RBMS3: variants seen among roughly 807,000 people sequenced by gnomAD.
RBMS3 encodes RNA binding motif single stranded interacting protein 3, also known as RNA-binding motif, single-stranded-interacting protein 3.
Under a neutral mutation model 66.8 loss-of-function variants are expected in RBMS3, and 27 were observed. The ratio of observed to expected loss-of-function variants is 0.40; its 90% CI spans 0.30 to 0.56. The LOEUF (loss-of-function observed/expected upper bound fraction) is 0.56, where lower values mean the gene tolerates loss of function less well. RBMS3 is among the 20% of genes least tolerant of loss of function. The pLI, the probability that RBMS3 is intolerant of heterozygous loss-of-function variation, is 0.40. For missense variants in RBMS3, 513 were observed against 549.5 expected (o/e 0.93, Z 0.66); for synonymous variants, 188 against 183.0 (o/e 1.03, Z -0.22).
intron 14 of RBMS3, among the ~76,000 whole-genome samples, chr3:29,996,013 C>G (rs1029832409): frequency 4.6e-5 from 7 of 152,128 alleles, no homozygotes; most frequent in Admixed American, 2.6e-4. Context: ...GTGCTGTATT[C>G]AGGAAACCCA....
chr3:29,714,795 C>T (rs1164399318), intron 4 of RBMS3, among the ~76,000 whole-genome samples: 1 of 151,730 alleles, frequency 6.6e-6, no homozygotes, highest in Non-Finnish European at 1.5e-5. Context: ...CAAACAATAG[C>T]TCTGAAAAGA....
intron 1 of RBMS3, among the ~76,000 whole-genome samples, chr3:29,423,823 G>T (rs1470630310): frequency 6.6e-6 from 1 of 152,110 alleles, no homozygotes; most frequent in Non-Finnish European, 1.5e-5. Flanking sequence ...CTGTCAGATT[G>T]GACTGTACAT....
At chr3:29,303,432 T>C (rs2033807204) in intron 1 of RBMS3, among the ~76,000 whole-genome samples, 2 of 152,054 alleles carry the variant, frequency 1.3e-5, no homozygotes, top group African/African-American at 2.4e-5. Context: ...GAGAATCCAT[T>C]CAACCTTAAC....
At chr3:29,582,195 T>TACAC (rs952792993) in intron 3 of RBMS3, among the ~76,000 whole-genome samples, 1 of 150,522 alleles carries the variant, frequency 6.6e-6, no homozygotes, top group African/African-American at 2.4e-5. Flanking sequence ...GATAGATAGA[T>TACAC]ACACACACAC....
chr3:29,690,266 A>C (rs1404483821), intron 4 of RBMS3, among the ~76,000 whole-genome samples: 1 of 151,726 alleles, frequency 6.6e-6, no homozygotes, highest in Non-Finnish European at 1.5e-5. Flanking sequence ...CCTGGGCAAC[A>C]TGGTGAGATC....
At chr3:29,677,894 C>T (rs1422677277) in intron 4 of RBMS3, among the ~76,000 whole-genome samples, 1 of 152,182 alleles carries the variant, frequency 6.6e-6, no homozygotes, top group African/African-American at 2.4e-5. Flanking sequence ...GATTCTGTCA[C>T]ATACCAGCTC....
At chr3:29,911,248 G>T (rs2060506078) in intron 10 of RBMS3, among the ~76,000 whole-genome samples, 1 of 152,050 alleles carries the variant, frequency 6.6e-6, no homozygotes, top group South Asian at 2.1e-4. Flanking sequence ...TAGATTGTAG[G>T]CAGGGTTTTG....
chr3:29,568,213 A>G (rs144409425), intron 3 of RBMS3, among the ~76,000 whole-genome samples: 2 of 152,326 alleles, frequency 1.3e-5, no homozygotes, highest in East Asian at 1.9e-4. Context: ...TAGTAACTAA[A>G]CAGAATTAAA....
chr3:29,891,899 C>T (rs1462522298), intron 8 of RBMS3, among the ~76,000 whole-genome samples: 2 of 151,238 alleles, frequency 1.3e-5, no homozygotes, highest in Non-Finnish European at 3.0e-5. Flanking sequence ...TTTATGGTTC[C>T]AGCCCTAACA....
chr3:29,324,821 A>G (rs2035224892), intron 1 of RBMS3, among the ~76,000 whole-genome samples: 2 of 150,990 alleles, frequency 1.3e-5, no homozygotes, highest in South Asian at 2.1e-4. Flanking sequence ...CTGCCTGCCT[A>G]TCTGCCTTTT....
chr3:29,665,607 C>A (rs2050720298), intron 4 of RBMS3, among the ~76,000 whole-genome samples: 2 of 152,108 alleles, frequency 1.3e-5, no homozygotes, highest in African/African-American at 4.8e-5. Flanking sequence ...TAAACAATTG[C>A]TCTAAGTAAG....
At chr3:29,816,646 A>T (rs2057912833) in intron 6 of RBMS3, among the ~76,000 whole-genome samples, 1 of 152,148 alleles carries the variant, frequency 6.6e-6, no homozygotes, top group African/African-American at 2.4e-5. Flanking sequence ...ATATATTATT[A>T]TCGAGGCTTA....
chr3:29,844,408 A>G (rs2058731490), intron 6 of RBMS3, among the ~76,000 whole-genome samples: 1 of 152,218 alleles, frequency 6.6e-6, no homozygotes, highest in African/African-American at 2.4e-5. Context: ...AGAGTACGGT[A>G]TTTAAGGTTT....
At chr3:29,474,220 A>G (rs62236910) in intron 2 of RBMS3, among the ~76,000 whole-genome samples, 35,861 of 152,224 alleles carry the variant, frequency 0.24, 4,372 homozygotes, top group Admixed American at 0.3. Context: ...TTTGCTCCGC[A>G]TTGTTTGAGG....
intron 3 of RBMS3, among the ~76,000 whole-genome samples, chr3:29,582,088 A>G (rs2047347212): frequency 6.6e-6 from 1 of 152,180 alleles, no homozygotes; most frequent in South Asian, 2.1e-4. Context: ...GTTGCCAGCA[A>G]ATGCACTAAA....
At chr3:29,763,280 T>G (rs1304482149) in intron 6 of RBMS3, among the ~76,000 whole-genome samples, 2 of 152,052 alleles carry the variant, frequency 1.3e-5, no homozygotes, top group African/African-American at 4.8e-5. Context: ...ATTTTATGAC[T>G]CAGCATTAAT....
At chr3:29,981,474 G>A (rs1427395891) in intron 12 of RBMS3, among the ~76,000 whole-genome samples, 1 of 152,144 alleles carries the variant, frequency 6.6e-6, no homozygotes, top group African/African-American at 2.4e-5. Flanking sequence ...ATGTTGAATA[G>A]GAGTGGTGAG....
chr3:29,454,264 C>T (rs1344776032), intron 2 of RBMS3, among the ~76,000 whole-genome samples: 2 of 152,122 alleles, frequency 1.3e-5, no homozygotes, highest in African/African-American at 4.8e-5. Context: ...AGGAGTTGGG[C>T]ACAGCATATT....
intron 14 of RBMS3, among the ~76,000 whole-genome samples, chr3:29,997,009 ATAGACCGC>A (rs1171951092): frequency 6.6e-6 from 1 of 152,016 alleles, no homozygotes; most frequent in African/African-American, 2.4e-5. Context: ...AAAAAAATTG[ATAGACCGC>A]TAGCAAGACT....
Sources: gnomAD v4.1 joint callset for allele counts (sites outside exome capture counted in the v4.1 genomes callset) on GRCh38, gnomAD v4.1.1 for gene constraint, MANE v1.5 for transcripts, NCBI Gene and HGNC (gene_info 2026-07-23, HGNC 2026-07-21) for gene names.